Variants in EXOC2 observed in about 807,000 individuals in gnomAD.
The protein encoded by EXOC2 is exocyst complex component 2.
A neutral mutation model predicts 131.8 loss-of-function variants in EXOC2; 70 were observed. That is an observed-to-expected ratio of 0.53 (90% CI 0.44 to 0.65). EXOC2 has a LOEUF of 0.65. Ranked by LOEUF, EXOC2 falls within the 30% of genes least tolerant of loss-of-function variation. The probability of loss-of-function intolerance (pLI) is 0.00; values close to 1 mark genes in which losing one functional copy is unlikely to be tolerated. For synonymous variants in EXOC2, 411 were observed against 398.4 expected (o/e 1.03, Z -0.38); for missense variants, 923 against 1,108.6 (o/e 0.83, Z 2.38).
intron 1 of EXOC2, among the ~76,000 whole-genome samples, chr6:678,391 T>C (rs955493763): frequency 6.6e-6 from 1 of 152,178 alleles, no homozygotes; most frequent in Non-Finnish European, 1.5e-5. Context: ...CTCTGCAAAC[T>C]TTAAAGGCCA....
intron 19 of EXOC2, among the ~76,000 whole-genome samples, chr6:555,682 G>A (rs1049385275): frequency 1.3e-5 from 2 of 152,032 alleles, no homozygotes; most frequent in African/African-American, 2.4e-5. Flanking sequence ...TTTAATTTAC[G>A]TTGTGCTCGA....
chr6:516,179 T>C (rs927604731), intron 23 of EXOC2, among the ~76,000 whole-genome samples: 5 of 152,212 alleles, frequency 3.3e-5, no homozygotes, highest in Non-Finnish European at 1.5e-5. Context: ...AATCTCACCT[T>C]ACCGCAGAGG....
intron 11 of EXOC2, among the ~76,000 whole-genome samples, chr6:584,575 C>G (rs1561888802): frequency 6.6e-6 from 1 of 152,192 alleles, no homozygotes; most frequent in Admixed American, 6.5e-5. Flanking sequence ...GCCTGTTATT[C>G]AGTTTTCTTT....
intron 1 of EXOC2, chr6:656,568 C>T (rs780848945): frequency 3.1e-6 from 5 of 1,591,150 alleles, no homozygotes; most frequent in Admixed American, 1.7e-5. Flanking sequence ...CACCACGCTG[C>T]GAGCGCGGCC....
intron 1 of EXOC2, among the ~76,000 whole-genome samples, chr6:681,340 C>T (rs573857946): frequency 6.6e-6 from 1 of 152,264 alleles, no homozygotes; most frequent in African/African-American, 2.4e-5. Flanking sequence ...CAAATCTGAC[C>T]TTTAACTGAA....
intron 1 of EXOC2, among the ~76,000 whole-genome samples, chr6:671,354 C>CAA (rs60588220): frequency 1.3e-5 from 2 of 149,476 alleles, no homozygotes; most frequent in African/African-American, 4.9e-5. Context: ...ACAACAACAA[C>CAA]AAAAAAAAAC....
chr6:639,722 G>A (rs1024599165), intron 1 of EXOC2, among the ~76,000 whole-genome samples: 3 of 152,282 alleles, frequency 2.0e-5, no homozygotes, highest in African/African-American at 7.2e-5. Context: ...AATCAAATCA[G>A]CGGTTAATAG....
At chr6:591,343 G>C (rs766100582) in intron 11 of EXOC2, among the ~76,000 whole-genome samples, 6 of 152,118 alleles carry the variant, frequency 3.9e-5, no homozygotes, top group Non-Finnish European at 7.4e-5. Flanking sequence ...CAGCAGCCAA[G>C]AAAGTTCGTC....
At chr6:556,411 A>T in intron 18 of EXOC2, 73 bp downstream of exon 18, 1 of 1,451,514 alleles carries the variant, frequency 6.9e-7, no homozygotes, top group Non-Finnish European at 9.6e-7. Context: ...CAGTACGATG[A>T]GTCAAAAATT....
At position 486,667 on chromosome 6, in the gene EXOC2, A is replaced by C; in HGVS notation, c.*4T>G. On this transcript the variant is annotated 3_prime_UTR_variant, in exon 28 of 28. Transcript: ENST00000230449. ...TTCCTGGACTTCTTTTATGTGGCAG[A>C]TATTTATGTTTTCATCATGGTTGAA... is the stretch of plus-strand genomic sequence containing the variant. 1 of 1,613,172 alleles carries C rather than the reference A, an allele frequency of 6.2e-7. No individual in the cohort carries two copies. The highest frequency in any genetic ancestry group is 8.5e-7 in the Non-Finnish European group (1 of 1,179,088).
At chr6:509,652 C>T (rs1041539611) in intron 23 of EXOC2, among the ~76,000 whole-genome samples, 3 of 152,134 alleles carry the variant, frequency 2.0e-5, no homozygotes, top group Non-Finnish European at 4.4e-5. Flanking sequence ...CTGAAAAGTG[C>T]TGGAGAGGAA....
intron 1 of EXOC2, among the ~76,000 whole-genome samples, chr6:658,645 T>TTATATATATATATATATATATATA (rs373868934): frequency 1.7e-5 from 2 of 118,348 alleles, no homozygotes; most frequent in African/African-American, 6.2e-5. Flanking sequence ...TATATATATT[T>TTATATATATATATATATATATATA]TATATATATA....
chr6:655,141 C>T (rs1008974325), intron 1 of EXOC2, among the ~76,000 whole-genome samples: 1 of 152,152 alleles, frequency 6.6e-6, no homozygotes, highest in African/African-American at 2.4e-5. Context: ...TCAATCGATC[C>T]AGCAAGTTAA....
In EXOC2 at chr6:657,025, G is replaced by A. The variant is rs192719314; in HGVS notation, c.-43-19164C>T. On this transcript the variant is annotated intron_variant, in intron 1 of 27. Coordinates refer to ENST00000230449, the MANE Select transcript of EXOC2 (RefSeq NM_018303.6). ...CCCTTCCGGTCCGCTGGGGTCCGTGGCGCTGCCCTCCCCGCCCTCCCTCCG... is the reference window on the plus strand; with the variant it reads ...CCCTTCCGGTCCGCTGGGGTCCGTGACGCTGCCCTCCCCGCCCTCCCTCCG... The A allele has an allele frequency of 3.9e-3, 4,706 of 1,216,838 alleles. 121 individuals carry two copies. In the Admixed American group the frequency reaches 0.067, roughly 17 times the overall value. The allele number at this position is 1,216,838 out of a possible 1,614,324, so 75.4% of individuals were successfully genotyped here. A position where few individuals can be genotyped will look rare whatever the true frequency, so the allele number is the denominator to read the frequency against.
chr6:610,788 A>G (rs1760675460), intron 6 of EXOC2, among the ~76,000 whole-genome samples: 1 of 152,174 alleles, frequency 6.6e-6, no homozygotes, highest in South Asian at 2.1e-4. Context: ...TTTAGTTTCT[A>G]ATTATGATCT....
chr6:585,211 T>C (rs921939176), intron 11 of EXOC2, among the ~76,000 whole-genome samples: 7 of 152,234 alleles, frequency 4.6e-5, no homozygotes, highest in South Asian at 4.1e-4. Flanking sequence ...GGTTTCAAGA[T>C]GAGTTTTTAA....
At chr6:549,820 T>C (rs2127566209) in intron 21 of EXOC2, among the ~76,000 whole-genome samples, 1 of 152,332 alleles carries the variant, frequency 6.6e-6, no homozygotes, top group Non-Finnish European at 1.5e-5. Context: ...TTGCTTGTGT[T>C]TGCAGAAGAA....
chr6:590,115 GAA>G (rs34514915), intron 11 of EXOC2, among the ~76,000 whole-genome samples: 290 of 141,942 alleles, frequency 2.0e-3, no homozygotes, highest in Non-Finnish European at 2.3e-3. Context: ...ACTCTGTCTG[GAA>G]AAAAAAAAAA....
At chr6:669,421 G>A (rs1474171353) in intron 1 of EXOC2, 1 of 152,572 alleles carries the variant, frequency 6.6e-6, no homozygotes, top group Non-Finnish European at 1.5e-5. Context: ...TTCTGTCTGG[G>A]GTTCCACCAC....
Sources: gnomAD v4.1 joint callset for allele counts (sites outside exome capture counted in the v4.1 genomes callset) on GRCh38, gnomAD v4.1.1 for gene constraint, MANE v1.5 for transcripts, NCBI Gene and HGNC (gene_info 2026-07-23, HGNC 2026-07-21) for gene names.